ARHGAP24: variants seen among roughly 807,000 people sequenced by gnomAD.
ARHGAP24 encodes the protein Rho GTPase activating protein 24.
Under a neutral mutation model 76.4 loss-of-function variants are expected in ARHGAP24, and 50 were observed. That is an observed-to-expected ratio of 0.65 (90% CI 0.52 to 0.83). The LOEUF is 0.83. Ranked by LOEUF, ARHGAP24 falls within the 40% of genes least tolerant of loss-of-function variation. ARHGAP24 has a pLI of 0.00. For missense variants in ARHGAP24, 930 were observed against 914.2 expected, an observed-to-expected ratio of 1.02 and a Z score of -0.22; for synonymous variants, 345 against 323.3, an observed-to-expected ratio of 1.07 and a Z score of -0.72.
chr4:85,771,713 C>A (rs1227346866), intron 3 of ARHGAP24, among the ~76,000 whole-genome samples: 2 of 151,830 alleles, frequency 1.3e-5, no homozygotes, highest in African/African-American at 4.8e-5. Flanking sequence ...TGTTTTTGTC[C>A]TTGTTTTGTT....
chr4:85,712,241 G>A (rs544905219), intron 2 of ARHGAP24, among the ~76,000 whole-genome samples: 1 of 152,194 alleles, frequency 6.6e-6, no homozygotes, highest in South Asian at 2.1e-4. Flanking sequence ...GAGAGAAGAG[G>A]GTGGGGTCAG....
At chr4:85,625,840 CTT>C (rs978221505) in intron 2 of ARHGAP24, among the ~76,000 whole-genome samples, 3 of 152,182 alleles carry the variant, frequency 2.0e-5, no homozygotes, top group Non-Finnish European at 4.4e-5. Context: ...TTCTTTGTCT[CTT>C]TTTATCTTTG....
intron 3 of ARHGAP24, among the ~76,000 whole-genome samples, chr4:85,870,104 C>G (rs887150417): frequency 6.6e-6 from 1 of 152,152 alleles, no homozygotes; most frequent in African/African-American, 2.4e-5. Flanking sequence ...CTGCCTGACA[C>G]ATAGACAGCA....
chr4:85,940,557 A>G (rs1356736278), intron 4 of ARHGAP24, among the ~76,000 whole-genome samples: 2 of 152,142 alleles, frequency 1.3e-5, no homozygotes, highest in African/African-American at 2.4e-5. Flanking sequence ...AGCTTCTACA[A>G]TGGAAATGTC....
At chr4:85,805,041 G>A (rs1397117268) in intron 3 of ARHGAP24, among the ~76,000 whole-genome samples, 1 of 152,114 alleles carries the variant, frequency 6.6e-6, no homozygotes, top group Non-Finnish European at 1.5e-5. Flanking sequence ...CAAGAACAAA[G>A]GTATGAGATA....
intron 8 of ARHGAP24, among the ~76,000 whole-genome samples, chr4:85,989,351 A>T (rs1023386584): frequency 6.6e-6 from 1 of 151,650 alleles, no homozygotes; most frequent in Non-Finnish European, 1.5e-5. Flanking sequence ...TTAGAAAGAA[A>T]GAAAGAAACT....
intron 7 of ARHGAP24, among the ~76,000 whole-genome samples, chr4:85,976,721 A>G (rs1312949424): frequency 6.6e-6 from 1 of 150,892 alleles, no homozygotes; most frequent in Non-Finnish European, 1.5e-5. Flanking sequence ...AACAGTTTGC[A>G]TTTGCAATTT....
chr4:85,745,953 T>G (rs1258973003), intron 3 of ARHGAP24, among the ~76,000 whole-genome samples: 2 of 152,218 alleles, frequency 1.3e-5, no homozygotes, highest in African/African-American at 2.4e-5. Context: ...GACAGTCCAG[T>G]GGACTAAGAA....
intron 2 of ARHGAP24, among the ~76,000 whole-genome samples, chr4:85,582,978 A>G (rs1247422288): frequency 6.6e-6 from 1 of 152,094 alleles, no homozygotes; most frequent in Non-Finnish European, 1.5e-5. Flanking sequence ...GGATTGAGAA[A>G]CAGGAGTTGT....
intron 2 of ARHGAP24, among the ~76,000 whole-genome samples, chr4:85,677,855 C>G (rs1723038989): frequency 6.6e-6 from 1 of 152,068 alleles, no homozygotes; most frequent in Non-Finnish European, 1.5e-5. Context: ...CTGTTTCAGC[C>G]TGAAAAACAT....
At chr4:85,984,940 G>A (rs1247684368) in intron 8 of ARHGAP24, among the ~76,000 whole-genome samples, 1 of 152,084 alleles carries the variant, frequency 6.6e-6, no homozygotes, top group Non-Finnish European at 1.5e-5. Context: ...TCCTGCCTGG[G>A]CTTCCTGAGT....
chr4:85,491,568 G>A (rs1437349044), intron 1 of ARHGAP24, among the ~76,000 whole-genome samples: 1 of 152,154 alleles, frequency 6.6e-6, no homozygotes, highest in Admixed American at 6.5e-5. Context: ...TGGAAACCAG[G>A]CTGGAGGGAG....
chr4:85,728,878 C>A (rs907222273), intron 3 of ARHGAP24, among the ~76,000 whole-genome samples: 1 of 152,292 alleles, frequency 6.6e-6, no homozygotes, highest in Middle Eastern at 3.4e-3. Flanking sequence ...TCATTGGCTA[C>A]ATTAACTTGC....
At chr4:85,972,554 T>G (rs895027332) in intron 6 of ARHGAP24, among the ~76,000 whole-genome samples, 5 of 152,180 alleles carry the variant, frequency 3.3e-5, no homozygotes, top group African/African-American at 1.2e-4. Context: ...TGCTATTTCT[T>G]TAAACAGCTT....
At chr4:85,975,343 CT>C (rs1338132485) in intron 7 of ARHGAP24, among the ~76,000 whole-genome samples, 2 of 152,258 alleles carry the variant, frequency 1.3e-5, no homozygotes, top group Non-Finnish European at 2.9e-5. Flanking sequence ...TTCTCTTATT[CT>C]TTCTGAGTCT....
In ARHGAP24 at chr4:85,995,253, T is replaced by C. The variant is rs1446489554; in HGVS notation, c.1599T>C (p.Asp533=). Residue 533 remains aspartate, a synonymous_variant, in exon 9 of 10, where the codon GAT becomes GAC. Transcript: ENST00000395184. ...LGQHNRLSTY[D]NVHQQFSMMN... ...AGCACAACAGACTGTCCACCTATGA[T>C]AATGTCCATCAACAGTTCTCCATGA... The C allele has an allele frequency of 1.9e-6, 3 of 1,614,004 alleles. No homozygotes were observed. The highest frequency in any genetic ancestry group is 1.3e-5 in the African/African-American group (1 of 74,992).
intron 3 of ARHGAP24, among the ~76,000 whole-genome samples, chr4:85,724,786 T>C (rs374948578): frequency 6.6e-6 from 1 of 152,150 alleles, no homozygotes; most frequent in South Asian, 2.1e-4. Context: ...AAATGAATTA[T>C]CTCTCTGAAT....
chr4:85,687,476 C>G (rs776375223), intron 2 of ARHGAP24, among the ~76,000 whole-genome samples: 50 of 152,238 alleles, frequency 3.3e-4, no homozygotes, highest in Non-Finnish European at 6.6e-4. Context: ...TGTATTTGTC[C>G]ACCTGTGCTA....
intron 4 of ARHGAP24, among the ~76,000 whole-genome samples, chr4:85,932,487 T>A (rs1736392686): frequency 6.9e-6 from 1 of 144,866 alleles, no homozygotes; most frequent in Non-Finnish European, 1.5e-5. Flanking sequence ...TCCCATAGAA[T>A]CCTTGTGAAC....
Sources: allele counts gnomAD v4.1 joint callset (sites outside exome capture counted in the v4.1 genomes callset), GRCh38; gene constraint gnomAD v4.1.1; transcripts MANE v1.5; gene names NCBI Gene and HGNC (gene_info 2026-07-23, HGNC 2026-07-21).